The following KCNQ5 variants were observed in gnomAD, a reference collection of about 807,000 sequenced individuals.
KCNQ5 encodes the protein potassium voltage-gated channel subfamily Q member 5.
KCNQ5 carries 30 observed loss-of-function variants against 98.2 expected under a neutral mutation model. That is an observed-to-expected ratio of 0.31 (90% confidence interval 0.23 to 0.41). The LOEUF (loss-of-function observed/expected upper bound fraction) is 0.41. KCNQ5 is among the 10% of genes least tolerant of loss of function. KCNQ5 has a pLI of 1.00. For synonymous variants in KCNQ5, 458 were observed against 449.4 expected (o/e 1.02, Z -0.24); for missense variants, 835 against 1,182.5 (o/e 0.71, Z 4.31).
At chr6:72,630,322 C>T (rs2098920122) in intron 1 of KCNQ5, among the ~76,000 whole-genome samples, 2 of 152,130 alleles carry the variant, frequency 1.3e-5, no homozygotes, top group South Asian at 4.1e-4. Context: ...TCATTGTTCT[C>T]ATTTATTGTA....
At chr6:72,710,387 A>G (rs1769302413) in intron 1 of KCNQ5, among the ~76,000 whole-genome samples, 1 of 152,244 alleles carries the variant, frequency 6.6e-6, no homozygotes, top group African/African-American at 2.4e-5. Context: ...GGATGACTGG[A>G]TTAAAAAAAT....
At chr6:73,190,533 CAG>C in intron 11 of KCNQ5, 38 bp from the exon 12 acceptor site, 2 of 1,077,500 alleles carry the variant, frequency 1.9e-6, no homozygotes, top group Non-Finnish European at 2.5e-6. Flanking sequence ...CTTATATTAA[CAG>C]AGTTATAAAG....
At position 72,948,711 on chromosome 6, in the gene KCNQ5, G is replaced by A. The variant is rs117318752; in HGVS notation, c.399-55197G>A. 7.2e-3 allele frequency among the ~76,000 whole-genome samples: 1,099 copies of A among 151,930 alleles called. 27 individuals are homozygous for A. Among genetic ancestry groups the A allele is most frequent in the Admixed American group, 0.035 (541 of 15,246 alleles). On this transcript the variant is annotated intron_variant, in intron 1 of 13. Transcript: ENST00000370398. Reference sequence around the variant, plus strand: ...TTGTTGTACTAATAGATTAACATATGCCAAGAGTTCATTATCATTTTCTTT... The same window carrying A: ...TTGTTGTACTAATAGATTAACATATACCAAGAGTTCATTATCATTTTCTTT...
At chr6:72,773,185 T>C (rs1772991034) in intron 1 of KCNQ5, among the ~76,000 whole-genome samples, 1 of 152,168 alleles carries the variant, frequency 6.6e-6, no homozygotes, top group African/African-American at 2.4e-5. Flanking sequence ...TGCACACATA[T>C]GTTTATTGCA....
intron 1 of KCNQ5, among the ~76,000 whole-genome samples, chr6:72,819,326 T>A (rs1005529944): frequency 1.3e-5 from 2 of 152,066 alleles, no homozygotes; most frequent in Admixed American, 6.6e-5. Flanking sequence ...TTCTTTAAGT[T>A]ATTATAAAAT....
chr6:72,662,335 T>G (rs554745882), intron 1 of KCNQ5, among the ~76,000 whole-genome samples: 1 of 152,130 alleles, frequency 6.6e-6, no homozygotes, highest in Non-Finnish European at 1.5e-5. Context: ...ATAAATAAAA[T>G]TTTGTACTTT....
intron 1 of KCNQ5, among the ~76,000 whole-genome samples, chr6:72,627,576 A>G (rs2098918589): frequency 6.6e-6 from 1 of 152,220 alleles, no homozygotes; most frequent in Non-Finnish European, 1.5e-5. Flanking sequence ...CTGCAGCTTC[A>G]GTGGAGTGCT....
At chr6:73,140,734 C>T (rs1046816035) in intron 10 of KCNQ5, among the ~76,000 whole-genome samples, 1 of 152,206 alleles carries the variant, frequency 6.6e-6, no homozygotes, top group African/African-American at 2.4e-5. Flanking sequence ...CAAAACCCTA[C>T]AAAGGGTATT....
chr6:72,895,637 G>T (rs1465748463), intron 1 of KCNQ5, among the ~76,000 whole-genome samples: 1 of 149,112 alleles, frequency 6.7e-6, no homozygotes, highest in East Asian at 1.9e-4. Context: ...TGAGGAATAT[G>T]TATAATATAT....
At chr6:72,767,175 G>A (rs1158896390) in intron 1 of KCNQ5, among the ~76,000 whole-genome samples, 2 of 151,944 alleles carry the variant, frequency 1.3e-5, no homozygotes, top group African/African-American at 4.8e-5. Flanking sequence ...CTTTTGGTAT[G>A]TTAAATTTAA....
chr6:73,116,836 C>G (rs766848852), intron 7 of KCNQ5, among the ~76,000 whole-genome samples: 1 of 152,204 alleles, frequency 6.6e-6, no homozygotes, highest in Non-Finnish European at 1.5e-5. Flanking sequence ...ACATTTTAAA[C>G]TCTGTACCTT....
At chr6:73,021,500 G>T (rs9442876) in intron 2 of KCNQ5, among the ~76,000 whole-genome samples, 8,073 of 151,904 alleles carry the variant, frequency 0.053, 738 homozygotes, top group African/African-American at 0.19. Context: ...TTTCATTATT[G>T]GTTTTATTAT....
chr6:73,080,403 T>C (rs1441987873), intron 5 of KCNQ5, among the ~76,000 whole-genome samples: 1 of 152,102 alleles, frequency 6.6e-6, no homozygotes, highest in Non-Finnish European at 1.5e-5. Context: ...CCGTAGCAGG[T>C]TTGTTGATAT....
chr6:73,130,090 G>A (rs187420713), intron 9 of KCNQ5, among the ~76,000 whole-genome samples: 4 of 152,224 alleles, frequency 2.6e-5, no homozygotes, highest in African/African-American at 9.6e-5. Flanking sequence ...TCAGCCCTTT[G>A]GCGCCTCCTT....
chr6:73,147,215 T>C (rs560463912), intron 10 of KCNQ5, among the ~76,000 whole-genome samples: 284 of 152,250 alleles, frequency 1.9e-3, no homozygotes, highest in Middle Eastern at 3.4e-3. Flanking sequence ...AATAATAAGA[T>C]ATAATGTGTG....
chr6:73,157,974 T>C, intron 10 of KCNQ5: 1 of 760,202 alleles, frequency 1.3e-6, no homozygotes, highest in East Asian at 2.5e-5. Context: ...GGACTCTTCA[T>C]ACCCCTTGAA....
chr6:72,763,169 G>GA (rs1429995474), intron 1 of KCNQ5, among the ~76,000 whole-genome samples: 1 of 151,670 alleles, frequency 6.6e-6, no homozygotes, highest in Non-Finnish European at 1.5e-5. Context: ...TTATTTTTCT[G>GA]AAAAAATGCT....
intron 1 of KCNQ5, among the ~76,000 whole-genome samples, chr6:72,793,692 C>T (rs191734832): frequency 6.6e-6 from 1 of 152,210 alleles, no homozygotes; most frequent in Non-Finnish European, 1.5e-5. Flanking sequence ...ATATATCACT[C>T]CTCCAAGAAA....
In KCNQ5 at chr6:72,841,404, G is replaced by A. The variant is rs377602950; in HGVS notation, c.399-162504G>A. 4.7e-4 allele frequency among the ~76,000 whole-genome samples: 71 copies of A among 151,976 alleles called. 1 individual carries two copies. Among genetic ancestry groups the A allele is most frequent in the East Asian group, 2.7e-3 (14 of 5,174 alleles). On this transcript the variant is annotated intron_variant, in intron 1 of 13. Transcript: ENST00000370398. ...ATGGACTTGTTCCTTTCCTTATTAC[G>A]TCATAGGTATAGCATGTCACTCTCC...
Sources: allele counts gnomAD v4.1 joint callset (sites outside exome capture counted in the v4.1 genomes callset), GRCh38; gene constraint gnomAD v4.1.1; transcripts MANE v1.5; gene names NCBI Gene and HGNC (gene_info 2026-07-23, HGNC 2026-07-21).